PCDH7: variants seen among roughly 807,000 people sequenced by gnomAD.
PCDH7 encodes protocadherin 7.
PCDH7 carries 17 observed loss-of-function variants against 58.9 expected under a neutral mutation model. The ratio of observed to expected loss-of-function variants is 0.29; its 90% confidence interval spans 0.20 to 0.43. The LOEUF (loss-of-function observed/expected upper bound fraction) is 0.43. PCDH7 is among the 20% of genes least tolerant of loss of function. The pLI is 1.00. For missense variants in PCDH7, 1,274 were observed against 1,441.0 expected (o/e 0.88, Z 1.88); for synonymous variants, 664 against 616.4 (o/e 1.08, Z -1.14).
At chr4:30,767,108 A>G (rs1030770788) in intron 1 of PCDH7, among the ~76,000 whole-genome samples, 2 of 152,184 alleles carry the variant, frequency 1.3e-5, no homozygotes, top group Admixed American at 6.5e-5. Context: ...CAGCCATTAC[A>G]AATTCTCATA....
At chr4:30,996,058 TTA>T (rs1411326925) in intron 3 of PCDH7, among the ~76,000 whole-genome samples, 2 of 139,048 alleles carry the variant, frequency 1.4e-5, no homozygotes, top group Non-Finnish European at 3.2e-5. Context: ...ATACATATAT[TTA>T]TATTCACATC....
chr4:30,967,250 G>A (rs888736515), intron 3 of PCDH7, among the ~76,000 whole-genome samples: 13 of 152,092 alleles, frequency 8.5e-5, no homozygotes, highest in South Asian at 6.2e-4. Flanking sequence ...ATTTTTATCC[G>A]TTTGGTTATT....
At chr4:30,860,970 C>T (rs1182864184) in intron 1 of PCDH7, among the ~76,000 whole-genome samples, 3 of 152,074 alleles carry the variant, frequency 2.0e-5, no homozygotes, top group Admixed American at 6.6e-5. Flanking sequence ...ATTTTTAAAA[C>T]TATTTTTGGA....
At chr4:30,829,631 A>G (rs1015466903) in intron 1 of PCDH7, among the ~76,000 whole-genome samples, 1 of 152,126 alleles carries the variant, frequency 6.6e-6, no homozygotes, top group Non-Finnish European at 1.5e-5. Context: ...GATATCCACT[A>G]TCAGGTATCT....
rs766548420 is a variant in PCDH7 at position 30,939,465 on chromosome 4, T to G, written c.288-10655T>G. ...AATTCTCTTTCATAGTGAATTGTAT[T>G]GTTGTGAGACTCCAGCATAGTTACT... On this transcript the variant is annotated intron_variant, in intron 2 of 3. Transcript: ENST00000509759. Among the ~76,000 whole-genome samples, 74 of 152,134 alleles carry G rather than the reference T, an allele frequency of 4.9e-4. 1 individual carries two copies. The highest frequency in any genetic ancestry group is 9.1e-4 in the Non-Finnish European group (62 of 68,018).
At chr4:31,044,510 T>C (rs1756131207) in intron 3 of PCDH7, among the ~76,000 whole-genome samples, 1 of 152,088 alleles carries the variant, frequency 6.6e-6, no homozygotes, top group Admixed American at 6.6e-5. Flanking sequence ...TCATTTTTCA[T>C]TGATTGACAT....
At chr4:30,980,354 TTG>T (rs1375220671) in intron 3 of PCDH7, among the ~76,000 whole-genome samples, 6 of 152,206 alleles carry the variant, frequency 3.9e-5, no homozygotes, top group Admixed American at 2.0e-4. Context: ...ATTGTTTTTT[TTG>T]TGTGTGTGTC....
At chr4:31,117,083 T>C (rs946335869) in intron 3 of PCDH7, among the ~76,000 whole-genome samples, 76 of 152,352 alleles carry the variant, frequency 5.0e-4, no homozygotes, top group African/African-American at 1.7e-3. Flanking sequence ...AGACAGGCTT[T>C]TACCATGTTG....
intron 3 of PCDH7, among the ~76,000 whole-genome samples, chr4:30,974,547 T>A (rs1223248120): frequency 5.9e-5 from 9 of 152,182 alleles, no homozygotes; most frequent in Admixed American, 3.9e-4. Context: ...GGGACTTGAC[T>A]AACTAGAAAC....
chr4:30,891,052 T>C (rs1738541131), intron 1 of PCDH7, among the ~76,000 whole-genome samples: 1 of 152,156 alleles, frequency 6.6e-6, no homozygotes, highest in South Asian at 2.1e-4. Flanking sequence ...TTATGGTTTG[T>C]ACATTCTCTA....
chr4:30,730,164 A>G (rs1715278315), intron 1 of PCDH7, among the ~76,000 whole-genome samples: 1 of 151,824 alleles, frequency 6.6e-6, no homozygotes, highest in Admixed American at 6.6e-5. Context: ...TTTGTTTAGA[A>G]TAGTCATGTA....
At chr4:31,027,101 C>G (rs1754498371) in intron 3 of PCDH7, among the ~76,000 whole-genome samples, 1 of 152,136 alleles carries the variant, frequency 6.6e-6, no homozygotes, top group Admixed American at 6.5e-5. Flanking sequence ...GGAAACCCAG[C>G]CCCAGCTTTG....
intron 3 of PCDH7, among the ~76,000 whole-genome samples, chr4:31,071,492 C>T (rs1758543162): frequency 6.6e-6 from 1 of 152,106 alleles, no homozygotes; most frequent in South Asian, 2.1e-4. Flanking sequence ...TTGACAAGCT[C>T]ACCCTATCAT....
At chr4:30,942,232 TTTTA>T (rs1484189900) in intron 2 of PCDH7, among the ~76,000 whole-genome samples, 6 of 152,012 alleles carry the variant, frequency 3.9e-5, no homozygotes, top group Non-Finnish European at 7.4e-5. Context: ...TGCTTTAATA[TTTTA>T]TTTATTTTTT....
At chr4:30,936,633 T>C (rs987474428) in intron 2 of PCDH7, among the ~76,000 whole-genome samples, 12 of 84,156 alleles carry the variant, frequency 1.4e-4, no homozygotes, top group African/African-American at 6.5e-4. Flanking sequence ...CACAATGCAT[T>C]TTTTTTTTGT....
intron 1 of PCDH7, among the ~76,000 whole-genome samples, chr4:30,878,742 C>G (rs1736594480): frequency 6.6e-6 from 1 of 152,040 alleles, no homozygotes; most frequent in African/African-American, 2.4e-5. Flanking sequence ...CCCAGCTACT[C>G]TGGAGGCTGA....
intron 1 of PCDH7, among the ~76,000 whole-genome samples, chr4:30,834,219 A>C (rs1325950160): frequency 6.6e-6 from 1 of 152,188 alleles, no homozygotes; most frequent in East Asian, 1.9e-4. Context: ...AGGACCTTGC[A>C]CTGAGAAAGA....
chr4:31,144,081 C>G (rs1307603989), downstream of PCDH7: 2 of 152,154 alleles, frequency 1.3e-5, no homozygotes, highest in Non-Finnish European at 1.5e-5. Flanking sequence ...GCTTGCTGCT[C>G]TTTTTATCCA....
intron 2 of PCDH7, chr4:30,935,309 C>T (rs1407480813): frequency 7.7e-5 from 75 of 973,730 alleles, no homozygotes; most frequent in Non-Finnish European, 9.0e-5. Context: ...TTCTTACCTC[C>T]AGAAATGTTT....
Sources: allele counts gnomAD v4.1 joint callset (sites outside exome capture counted in the v4.1 genomes callset), GRCh38; gene constraint gnomAD v4.1.1; transcripts MANE v1.5; gene names NCBI Gene and HGNC (gene_info 2026-07-23, HGNC 2026-07-21).